Variants in EYS observed in about 807,000 individuals in gnomAD.
The protein encoded by EYS is protein eyes shut homolog.
In EYS, 250 loss-of-function variants were observed where a neutral mutation model predicts 282.1. That is an observed-to-expected ratio of 0.89 (90% CI 0.80 to 0.98). EYS has a LOEUF of 0.98. Ranked by LOEUF, EYS falls within the 50% of genes least tolerant of loss-of-function variation. The probability of loss-of-function intolerance (pLI) is 0.00; values close to 1 mark genes in which losing one functional copy is unlikely to be tolerated. For missense variants in EYS, 4,016 were observed against 3,709.0 expected (o/e 1.08, Z -2.15); for synonymous variants, 1,355 against 1,282.9 (o/e 1.06, Z -1.20).
At chr6:63,943,772 A>G (rs1274549834) in intron 35 of EYS, among the ~76,000 whole-genome samples, 1 of 152,222 alleles carries the variant, frequency 6.6e-6, no homozygotes, top group Non-Finnish European at 1.5e-5. Flanking sequence ...GTAACTTGAC[A>G]AAATTACTAT....
At chr6:65,371,001 A>G (rs1381487993) in intron 8 of EYS, among the ~76,000 whole-genome samples, 1 of 147,686 alleles carries the variant, frequency 6.8e-6, no homozygotes, top group South Asian at 2.1e-4. Flanking sequence ...AATTGTCAAG[A>G]AAAAAAAAAC....
At chr6:64,882,764 T>A (rs1189457209) in intron 19 of EYS, among the ~76,000 whole-genome samples, 2 of 151,814 alleles carry the variant, frequency 1.3e-5, no homozygotes, top group African/African-American at 4.8e-5. Context: ...TATTTTAATA[T>A]ATCTTGTTAA....
At chr6:65,468,877 A>T (rs572028711) in intron 5 of EYS, among the ~76,000 whole-genome samples, 1 of 152,060 alleles carries the variant, frequency 6.6e-6, no homozygotes, top group Admixed American at 6.6e-5. Context: ...TCCTTCACAG[A>T]TGTTAAAACT....
intron 31 of EYS, among the ~76,000 whole-genome samples, chr6:64,091,244 T>C (rs1424878805): frequency 6.6e-6 from 1 of 152,192 alleles, no homozygotes; most frequent in African/African-American, 2.4e-5. Context: ...AAAACATTTA[T>C]CCCTTTCAGA....
At chr6:64,117,048 T>C (rs1320812938) in intron 31 of EYS, among the ~76,000 whole-genome samples, 1 of 152,048 alleles carries the variant, frequency 6.6e-6, no homozygotes, top group Non-Finnish European at 1.5e-5. Context: ...CACAATTGAA[T>C]TACAATTTAG....
At chr6:65,114,638 T>C (rs180847094) in intron 12 of EYS, among the ~76,000 whole-genome samples, 90 of 152,032 alleles carry the variant, frequency 5.9e-4, no homozygotes, top group African/African-American at 2.0e-3. Flanking sequence ...ATACTGTCTT[T>C]CTTGGATACC....
Position 64,311,979 on chromosome 6 carries a change from G to GTTTTTT in EYS, c.6079-4903_6079-4898dup, listed in dbSNP as rs61332669. Among the ~76,000 whole-genome samples the GTTTTTT allele has an allele frequency of 1.6e-3, 221 of 139,912 alleles. 2 individuals are homozygous for GTTTTTT. Among genetic ancestry groups the GTTTTTT allele is most frequent in the African/African-American group, 4.9e-3 (175 of 35,726 alleles). 91.8% of individuals were successfully genotyped at this position (139,912 alleles called of 152,430 possible). ...GAAGCCACTGAGCTAGCTGCAGAAG[G>GTTTTTT]TTTTTTTTTTTTTCATACCCCAGTG... On this transcript the variant is annotated intron_variant, in intron 29 of 42. Coordinates refer to ENST00000503581, the MANE Select transcript of EYS (RefSeq NM_001142800.2).
At chr6:65,697,331 A>T (rs1015168689) in intron 1 of EYS, among the ~76,000 whole-genome samples, 2 of 152,114 alleles carry the variant, frequency 1.3e-5, no homozygotes, top group African/African-American at 4.8e-5. Context: ...ATTCACATCA[A>T]AGTCACTTTT....
intron 5 of EYS, among the ~76,000 whole-genome samples, chr6:65,444,091 A>AT (rs1768559045): frequency 6.6e-6 from 1 of 152,042 alleles, no homozygotes; most frequent in South Asian, 2.1e-4. Context: ...TTAGAAGGAC[A>AT]TTAATTATAT....
At position 65,351,065 on chromosome 6, in the gene EYS, A is replaced by C. The variant is rs1489633597; in HGVS notation, c.1459+2393T>G. Reference sequence around the variant, plus strand: ...GAAATAAGAAGGAATTTTGCAATACATAAAATGTATAATTCTATTTACATA... The same window carrying C: ...GAAATAAGAAGGAATTTTGCAATACCTAAAATGTATAATTCTATTTACATA... On this transcript the variant is annotated intron_variant, in intron 9 of 42. Coordinates refer to ENST00000503581, the MANE Select transcript of EYS (RefSeq NM_001142800.2). Among the ~76,000 whole-genome samples, 4 of 151,782 alleles carry C rather than the reference A, an allele frequency of 2.6e-5. No homozygotes were observed. The East Asian group carries it at 5.8e-4, about 22-fold the overall frequency.
intron 36 of EYS, chr6:63,821,566 A>G (rs1290454835): frequency 6.6e-6 from 1 of 152,226 alleles, no homozygotes; most frequent in Non-Finnish European, 1.5e-5. Flanking sequence ...TGAAGGAGAA[A>G]GCCAATGACA....
At chr6:63,957,302 T>G (rs1765869627) in intron 35 of EYS, among the ~76,000 whole-genome samples, 1 of 140,774 alleles carries the variant, frequency 7.1e-6, no homozygotes, top group Non-Finnish European at 1.6e-5. Flanking sequence ...CTTGTTTATG[T>G]GCAAGAGCTG....
chr6:63,905,828 A>G (rs965197221), intron 35 of EYS, among the ~76,000 whole-genome samples: 3 of 152,212 alleles, frequency 2.0e-5, no homozygotes, highest in African/African-American at 7.2e-5. Context: ...TATTCTGCTC[A>G]GAAATAATTT....
rs1765433427 is a variant in EYS at position 64,837,791 on chromosome 6, G to A, written c.2993-14969C>T. ...CAAAATCAACTTACCAAAAATCAGTGGCATTTCTATATGCTAATAGCAAAC... is the reference window on the plus strand; with the variant it reads ...CAAAATCAACTTACCAAAAATCAGTAGCATTTCTATATGCTAATAGCAAAC... On this transcript the variant is annotated intron_variant, in intron 19 of 42. Coordinates refer to ENST00000503581, the MANE Select transcript of EYS (RefSeq NM_001142800.2). Among the ~76,000 whole-genome samples, 2 of 150,468 alleles carry A rather than the reference G, an allele frequency of 1.3e-5. 1 individual carries two copies. The highest frequency in any genetic ancestry group is 4.2e-4 in the South Asian group (2 of 4,790).
chr6:63,864,446 A>T (rs938908297), intron 35 of EYS, 88 bp from the exon 36 acceptor site: 3 of 867,844 alleles, frequency 3.5e-6, no homozygotes, highest in Non-Finnish European at 3.3e-6. Flanking sequence ...ATGAACACAT[A>T]TGCAAATAAA....
rs566355021 is a variant in EYS at position 64,697,838 on chromosome 6, C to T, written c.3444-71593G>A. ...GCACCTGTAGTCCCAGCTACTCAGGCGGCTGAGGCAGGATAATCACTTGAA... is the reference window on the plus strand; with the variant it reads ...GCACCTGTAGTCCCAGCTACTCAGGTGGCTGAGGCAGGATAATCACTTGAA... On this transcript the variant is annotated intron_variant, in intron 22 of 42. Transcript: ENST00000503581. 2.6e-5 allele frequency among the ~76,000 whole-genome samples: 4 copies of T among 151,634 alleles called. 1 individual carries two copies. The highest frequency in any genetic ancestry group is 5.9e-5 in the Non-Finnish European group (4 of 67,860).
intron 29 of EYS, among the ~76,000 whole-genome samples, chr6:64,329,057 T>G (rs1379649341): frequency 1.3e-5 from 2 of 152,134 alleles, no homozygotes; most frequent in Admixed American, 1.3e-4. Context: ...GAATCAATTA[T>G]TATTATGAGG....
chr6:65,282,891 TTTCTTA>T (rs938574776), intron 12 of EYS, among the ~76,000 whole-genome samples: 1 of 151,870 alleles, frequency 6.6e-6, no homozygotes, highest in Non-Finnish European at 1.5e-5. Context: ...GTCTGCAGAG[TTTCTTA>T]AATTGTTTCA....
chr6:63,898,090 G>A (rs967876085), intron 35 of EYS, among the ~76,000 whole-genome samples: 1 of 152,158 alleles, frequency 6.6e-6, no homozygotes, highest in African/African-American at 2.4e-5. Flanking sequence ...CATCATTTTC[G>A]AGTCATGTTA....
Sources: allele counts gnomAD v4.1 joint callset (sites outside exome capture counted in the v4.1 genomes callset), GRCh38; gene constraint gnomAD v4.1.1; transcripts MANE v1.5; gene names NCBI Gene and HGNC (gene_info 2026-07-23, HGNC 2026-07-21).